Variants in CDK14 observed in about 807,000 individuals in gnomAD.
CDK14 encodes cyclin dependent kinase 14, also known as cyclin-dependent kinase 14.
CDK14 carries 34 observed loss-of-function variants against 60.7 expected under a neutral mutation model. The ratio of observed to expected loss-of-function variants is 0.56; its 90% CI spans 0.43 to 0.75. The LOEUF is 0.75. Ranked by LOEUF, CDK14 falls within the 30% of genes least tolerant of loss-of-function variation. The pLI, the probability that CDK14 is intolerant of heterozygous loss-of-function variation, is 0.00. For missense variants in CDK14, 482 were observed against 564.1 expected, an observed-to-expected ratio of 0.85 and a Z score of 1.47; for synonymous variants, 197 against 203.7, an observed-to-expected ratio of 0.97 and a Z score of 0.28.
intron 8 of CDK14, among the ~76,000 whole-genome samples, chr7:90,923,294 A>T (rs1238332528): frequency 6.6e-6 from 1 of 151,958 alleles, no homozygotes; most frequent in African/African-American, 2.4e-5. Context: ...TATTTTTAGT[A>T]GAGACAGGGT....
intron 3 of CDK14, among the ~76,000 whole-genome samples, chr7:90,741,650 A>C (rs1803349843): frequency 6.6e-6 from 1 of 152,216 alleles, no homozygotes; most frequent in Admixed American, 6.5e-5. Flanking sequence ...AAGGATTAAC[A>C]TAATAGGTTA....
chr7:90,597,631 C>T (rs1584730816), intron 1 of CDK14, among the ~76,000 whole-genome samples: 2 of 152,170 alleles, frequency 1.3e-5, no homozygotes, highest in African/African-American at 2.4e-5. Context: ...CCCTAGGAAG[C>T]TGCCTAGTCT....
At chr7:90,664,830 C>T (rs1307683635) in intron 2 of CDK14, among the ~76,000 whole-genome samples, 1 of 151,860 alleles carries the variant, frequency 6.6e-6, no homozygotes, top group Non-Finnish European at 1.5e-5. Flanking sequence ...AGGAGATATA[C>T]CTAATGCTAA....
chr7:90,641,772 T>A (rs1189055140), intron 2 of CDK14, among the ~76,000 whole-genome samples: 3 of 145,676 alleles, frequency 2.1e-5, no homozygotes, highest in African/African-American at 7.6e-5. Flanking sequence ...AAAACCATTT[T>A]TATTAGTTCA....
chr7:91,165,884 T>G (rs1364174698), intron 14 of CDK14, among the ~76,000 whole-genome samples: 1 of 152,232 alleles, frequency 6.6e-6, no homozygotes, highest in Non-Finnish European at 1.5e-5. Flanking sequence ...CTCACCTAAG[T>G]ATTTTCTGTG....
At chr7:91,001,463 A>T (rs1167335665) in intron 10 of CDK14, among the ~76,000 whole-genome samples, 1 of 152,368 alleles carries the variant, frequency 6.6e-6, no homozygotes, top group East Asian at 1.9e-4. Flanking sequence ...GATTTTATCC[A>T]CGCTGTGTTG....
At chr7:90,712,759 A>G (rs937967976) in intron 2 of CDK14, among the ~76,000 whole-genome samples, 1 of 152,064 alleles carries the variant, frequency 6.6e-6, no homozygotes, top group African/African-American at 2.4e-5. Flanking sequence ...CAGCTGAAAT[A>G]ATTGGAAGCT....
At chr7:90,792,597 CCTGTTGATTACCTCT>C (rs1805877859) in intron 5 of CDK14, among the ~76,000 whole-genome samples, 2 of 152,074 alleles carry the variant, frequency 1.3e-5, no homozygotes, top group Admixed American at 6.5e-5. Flanking sequence ...ATGAACAAGC[CCTGTTGATTACCTCT>C]CTAAATGATA....
chr7:90,795,356 C>G (rs1788377254), intron 5 of CDK14, among the ~76,000 whole-genome samples: 1 of 151,932 alleles, frequency 6.6e-6, no homozygotes, highest in Non-Finnish European at 1.5e-5. Context: ...GAGCACCACT[C>G]TTCAGTGTGT....
chr7:91,202,993 G>A (rs930707571), intron 14 of CDK14, among the ~76,000 whole-genome samples: 19 of 152,210 alleles, frequency 1.2e-4, no homozygotes, highest in African/African-American at 3.6e-4. Context: ...CATCATCGAT[G>A]TCTAAAAAAC....
At chr7:91,167,637 A>G (rs1361687941) in intron 14 of CDK14, among the ~76,000 whole-genome samples, 1 of 152,192 alleles carries the variant, frequency 6.6e-6, no homozygotes, top group East Asian at 1.9e-4. Context: ...TTGGATCCCA[A>G]ATGATCCAAG....
chr7:91,131,513 G>C (rs1245627077), intron 14 of CDK14, among the ~76,000 whole-genome samples: 2 of 152,096 alleles, frequency 1.3e-5, no homozygotes, highest in African/African-American at 4.8e-5. Context: ...CTGACAACAA[G>C]GCTGTCTAAT....
intron 10 of CDK14, among the ~76,000 whole-genome samples, chr7:91,020,217 G>A (rs1796399562): frequency 6.6e-6 from 1 of 152,164 alleles, no homozygotes; most frequent in Non-Finnish European, 1.5e-5. Flanking sequence ...AAAGTCCTAT[G>A]GCAGAGGGTT....
chr7:90,802,192 A>G lies in CDK14; in HGVS notation c.544+11540A>G, dbSNP rs187584440. Among the ~76,000 whole-genome samples, 8 of 152,334 alleles carry G rather than the reference A, an allele frequency of 5.3e-5. No homozygotes were observed. In the East Asian group the frequency reaches 1.5e-3, roughly 29 times the overall value. On this transcript the variant is annotated intron_variant, in intron 5 of 14. Transcript: ENST00000380050. ...TTCAAAATTAACAAGTTGATTATAG[A>G]TGGAATTTTCAGTGAAACATTATGT...
rs149264030 is a variant in CDK14 at position 91,144,581 on chromosome 7, C to T, written c.*28+26373C>T. 7.9e-5 allele frequency among the ~76,000 whole-genome samples: 12 copies of T among 152,238 alleles called. No individual in the cohort carries two copies. The East Asian group carries it at 1.3e-3, about 17-fold the overall frequency. On this transcript the variant is annotated intron_variant, in intron 14 of 14. Coordinates refer to ENST00000380050, the MANE Select transcript of CDK14 (RefSeq NM_001287135.2). ...TTATGTTGACACAAGGGAGAAGCGA[C>T]GCAGATAACAGAAATCATTGAGTTT...
intron 6 of CDK14, among the ~76,000 whole-genome samples, chr7:90,869,959 A>G (rs1791312650): frequency 6.6e-6 from 1 of 152,194 alleles, no homozygotes; most frequent in Admixed American, 6.5e-5. Flanking sequence ...TTAGCTCGTA[A>G]TGCTAAGCCA....
intron 5 of CDK14, among the ~76,000 whole-genome samples, chr7:90,852,157 A>G (rs1790665850): frequency 6.6e-6 from 1 of 152,154 alleles, no homozygotes; most frequent in African/African-American, 2.4e-5. Context: ...TCCACCTTTC[A>G]AAATGCTGGG....
chr7:91,059,301 C>A (rs1056663980), intron 11 of CDK14, among the ~76,000 whole-genome samples: 2 of 151,858 alleles, frequency 1.3e-5, no homozygotes, highest in Admixed American at 1.3e-4. Flanking sequence ...CTCTTTTCTT[C>A]TTTATTAGTC....
chr7:90,955,170 C>T (rs1401844286), intron 8 of CDK14, among the ~76,000 whole-genome samples: 1 of 152,036 alleles, frequency 6.6e-6, no homozygotes, highest in Non-Finnish European at 1.5e-5. Flanking sequence ...ATAAGCATTT[C>T]CTAGTGAGTA....
Sources: allele counts gnomAD v4.1 joint callset (sites outside exome capture counted in the v4.1 genomes callset), GRCh38; gene constraint gnomAD v4.1.1; transcripts MANE v1.5; gene names NCBI Gene and HGNC (gene_info 2026-07-23, HGNC 2026-07-21).